The following TMEM214 variants were observed in gnomAD, a reference collection of about 807,000 sequenced individuals.
The protein encoded by TMEM214 is transmembrane protein 214.
Under a neutral mutation model 89.8 loss-of-function variants are expected in TMEM214, and 71 were observed. The ratio of observed to expected loss-of-function variants is 0.79; its 90% CI spans 0.65 to 0.96. TMEM214 has a LOEUF of 0.96. Ranked by LOEUF, TMEM214 falls within the 40% of genes least tolerant of loss-of-function variation. The pLI is 0.00. For synonymous variants in TMEM214, 332 were observed against 349.5 expected (o/e 0.95, Z 0.56); for missense variants, 754 against 843.4 (o/e 0.89, Z 1.31).
Position 27,035,252 on chromosome 2 carries a change from C to A in TMEM214, c.469C>A (p.Leu157Ile), listed in dbSNP as rs751594319. Residue 157 changes from leucine to isoleucine, a missense_variant, in exon 3 of 17, where the codon CTA (leucine) becomes ATA (isoleucine). Coordinates refer to ENST00000238788, the MANE Select transcript of TMEM214 (RefSeq NM_017727.5). ...TCTCAACTACAAGCTACAAGCTCCT[C>A]TAAGTGAACCCACGCTGAGCCAGCA... ...SYLNYKLQAPLSEPTLSQHTH... is the reference protein window; with the variant it reads ...SYLNYKLQAPISEPTLSQHTH... The A allele has an allele frequency of 7.4e-6, 12 of 1,614,110 alleles. No individual in the cohort carries two copies. The highest frequency in any genetic ancestry group is 3.3e-5 in the Admixed American group (2 of 60,004).
intron 8 of TMEM214, 28 bp downstream of exon 8, chr2:27,037,206 G>C: frequency 6.5e-7 from 1 of 1,527,626 alleles, no homozygotes; most frequent in Non-Finnish European, 9.1e-7. Context: ...CACACCTGCT[G>C]AGAAGGGACC....
chr2:27,040,385 G>T lies in TMEM214; in HGVS notation c.1832G>T (p.Arg611Leu). 1 of 1,614,168 alleles carries T rather than the reference G, an allele frequency of 6.2e-7. No individual in the cohort carries two copies. Among genetic ancestry groups the T allele is most frequent in the Non-Finnish European group, 8.5e-7 (1 of 1,180,032 alleles). ...QLPDSVNQLL[R>L]YLRELPLLFH... is the part of the protein sequence containing the mutation. Reference sequence around the variant, plus strand: ...CCCGATTCCGTGAATCAGCTACTCCGCTATCTGAGAGAGCTGCCCCTGCTT... The same window carrying T: ...CCCGATTCCGTGAATCAGCTACTCCTCTATCTGAGAGAGCTGCCCCTGCTT... The change falls in exon 16 of 17, where the codon CGC (arginine) becomes CTC (leucine). Residue 611 changes from arginine (R) to leucine (L), a missense_variant. Transcript: ENST00000238788.
In TMEM214 at chr2:27,036,576, C is replaced by T; in HGVS notation, c.810C>T (p.Leu270=). The change falls in exon 6 of 17, where the codon CTC becomes CTT. Residue 270 remains leucine, a synonymous_variant. Coordinates refer to ENST00000238788, the MANE Select transcript of TMEM214 (RefSeq NM_017727.5). The part of the protein sequence containing the change: ...WALGQAGFAN[L]TEGLKVWLGI... ...TGGGTCAAGCAGGTTTTGCCAACCT[C>T]ACCGAGGGACTGAAAGGTAACAGGG... 1 of 1,614,158 alleles carries T rather than the reference C, an allele frequency of 6.2e-7. No individual in the cohort carries two copies. The highest frequency in any genetic ancestry group is 8.5e-7 in the Non-Finnish European group (1 of 1,180,004).
Position 27,035,991 on chromosome 2 carries a change from G to A in TMEM214, c.659G>A (p.Arg220His), listed in dbSNP as rs750077464. 6.2e-6 allele frequency: 10 copies of A among 1,614,024 alleles called. No homozygotes were observed. Among genetic ancestry groups the A allele is most frequent in the African/African-American group, 2.7e-5 (2 of 74,914 alleles). ...CCAGGGGAGTCACTACATGGTTACC[G>A]CATCTGTATCCAGGCCATCCTGCAA... ...KTPGESLHGY[R>H]ICIQAILQDK... The change falls in exon 5 of 17, where the codon CGC becomes CAC. Residue 220 changes from arginine (R) to histidine (H), a missense_variant. Coordinates refer to ENST00000238788, the MANE Select transcript of TMEM214 (RefSeq NM_017727.5).
intron 1 of TMEM214, among the ~76,000 whole-genome samples, chr2:27,033,555 A>G (rs1176626816): frequency 1.3e-5 from 2 of 152,298 alleles, no homozygotes; most frequent in Non-Finnish European, 2.9e-5. Context: ...AGTAACCAGC[A>G]GGTCATGGAG....
Position 27,035,283 on chromosome 2 carries a change from A to T in TMEM214, c.500A>T (p.His167Leu). 6.2e-7 allele frequency: 1 copy of T among 1,614,224 alleles called. No homozygotes were observed. The highest frequency in any genetic ancestry group is 8.5e-7 in the Non-Finnish European group (1 of 1,180,032). The change falls in exon 3 of 17, where the codon CAT (histidine) becomes CTT (leucine). Residue 167 changes from histidine (H) to leucine (L), a missense_variant and splice_region_variant. Coordinates refer to ENST00000238788, the MANE Select transcript of TMEM214 (RefSeq NM_017727.5). Reference protein sequence around the residue: ...LSEPTLSQHTHDYPYSLVSRE... With the variant: ...LSEPTLSQHTLDYPYSLVSRE... ...GAACCCACGCTGAGCCAGCATACTCATGGTAAGTCCTTCCAGCTTCCTCAA... is the reference window on the plus strand; with the variant it reads ...GAACCCACGCTGAGCCAGCATACTCTTGGTAAGTCCTTCCAGCTTCCTCAA...
At position 27,040,369 on chromosome 2, in the gene TMEM214, G is replaced by A. The variant is rs201036749; in HGVS notation, c.1816G>A (p.Val606Met). The change falls in exon 16 of 17, where the codon GTG (valine) becomes ATG (methionine). Residue 606 changes from valine to methionine, a missense_variant. Val to Met is a conservative substitution (Grantham distance 21). Transcript: ENST00000238788. ...QRLQIQLPDS[V>M]NQLLRYLREL... ...GCTACAGATCCAGCTCCCCGATTCC[G>A]TGAATCAGCTACTCCGCTATCTGAG... 1.4e-4 allele frequency: 225 copies of A among 1,614,166 alleles called. 2 individuals carry two copies. In the Admixed American group the frequency reaches 3.3e-3, roughly 24 times the overall value.
chr2:27,033,925 A>G (rs1406882569), intron 1 of TMEM214, 142 bp from the exon 2 acceptor site: 3 of 871,818 alleles, frequency 3.4e-6, no homozygotes, highest in Non-Finnish European at 5.5e-6. Flanking sequence ...CCTGCTCCTT[A>G]AGCAGTCCAA....
chr2:27,034,801 C>G (rs1317155009), intron 2 of TMEM214, among the ~76,000 whole-genome samples: 7 of 151,990 alleles, frequency 4.6e-5, no homozygotes, highest in African/African-American at 1.7e-4. Flanking sequence ...CCAGGCTGGT[C>G]TTGAACTCCT....
rs997182372 is a variant in TMEM214 at position 27,033,027 on chromosome 2, G to A, written c.12G>A (p.Lys4=). The change falls in exon 1 of 17, where the codon AAG becomes AAA. Residue 4 remains lysine, a synonymous_variant. Transcript: ENST00000238788. ...GAGGGCTGCGAGCCATGGCGACCAA[G>A]ACGGCGGGCGTGGGGCGGTGGGAGG... MAT[K]TAGVGRWEVV... is the part of the protein sequence containing the mutation. 1 of 1,247,000 alleles carries A rather than the reference G, an allele frequency of 8.0e-7. No homozygotes were observed. The highest frequency in any genetic ancestry group is 1.6e-5 in the African/African-American group (1 of 64,418). The allele number at this position is 1,247,000 out of a possible 1,614,324, so 77.2% of individuals were successfully genotyped here. A position where few individuals can be genotyped will look rare whatever the true frequency, so the allele number is the denominator to read the frequency against.
At chr2:27,040,233 G>T (rs1667773173) in intron 15 of TMEM214, 35 bp downstream of exon 15, 1 of 1,605,046 alleles carries the variant, frequency 6.2e-7, no homozygotes, top group Admixed American at 1.7e-5. Flanking sequence ...TAAGGGGCTG[G>T]TTTTCCCAGG....
chr2:27,039,132 G>T lies in TMEM214; in HGVS notation c.1493G>T (p.Cys498Phe). 1 of 1,613,838 alleles carries T rather than the reference G, an allele frequency of 6.2e-7. No individual in the cohort carries two copies. The highest frequency in any genetic ancestry group is 8.5e-7 in the Non-Finnish European group (1 of 1,180,038). The change falls in exon 13 of 17, where the codon TGC (cysteine) becomes TTC (phenylalanine). Residue 498 changes from cysteine (C) to phenylalanine (F), a missense_variant. Physicochemically the swap from Cys to Phe is radical, Grantham distance 205. Coordinates refer to ENST00000238788, the MANE Select transcript of TMEM214 (RefSeq NM_017727.5). ...LLLVFAVGFL[C>F]HDLRSHSSFQ... ...CTGGTCTTCGCTGTAGGCTTCCTGT[G>T]CCATGACCTCCGGTCACACAGCTCC...
At chr2:27,035,096 A>G (rs958768166) in intron 2 of TMEM214, 39 bp from the exon 3 acceptor site, 3 of 1,610,366 alleles carry the variant, frequency 1.9e-6, no homozygotes, top group Non-Finnish European at 2.5e-6. Flanking sequence ...CTCACTCACA[A>G]CTCGCCATGG....
chr2:27,033,021 G>T lies in TMEM214; in HGVS notation c.6G>T (p.Ala2=), dbSNP rs1667398735. The T allele has an allele frequency of 4.0e-6, 5 of 1,246,858 alleles. No homozygotes were observed. In the African/African-American group the frequency reaches 4.7e-5, roughly 12 times the overall value. The allele number at this position is 1,246,858 out of a possible 1,614,324, so 77.2% of individuals were successfully genotyped here. The part of the protein sequence containing the change: M[A]TKTAGVGRWE... ...AGGAGGGAGGGCTGCGAGCCATGGC[G>T]ACCAAGACGGCGGGCGTGGGGCGGT... The change falls in exon 1 of 17, where the codon GCG becomes GCT. Residue 2 remains alanine (A), a synonymous_variant. Coordinates refer to ENST00000238788, the MANE Select transcript of TMEM214 (RefSeq NM_017727.5).
chr2:27,034,929 C>T (rs1404717731), intron 2 of TMEM214, among the ~76,000 whole-genome samples: 1 of 152,150 alleles, frequency 6.6e-6, no homozygotes, highest in African/African-American at 2.4e-5. Flanking sequence ...AGGATAGGGC[C>T]TGAGATCAGC....
At chr2:27,037,482 G>T in intron 8 of TMEM214, 79 bp from the exon 9 acceptor site, 6 of 1,573,198 alleles carry the variant, frequency 3.8e-6, no homozygotes, top group Non-Finnish European at 5.2e-6. Flanking sequence ...GCAGGCATGG[G>T]CTCTGAAGCA....
Position 27,041,605 on chromosome 2 carries a change from GGAA to G in TMEM214, c.*769_*771del, listed in dbSNP as rs1558403127. The G allele has an allele frequency of 2.6e-5, 4 of 153,774 alleles. No homozygotes were observed. The Admixed American group carries it at 2.6e-4, about 10-fold the overall frequency. The allele number at this position is 153,774 out of a possible 1,614,324, so 9.5% of individuals were successfully genotyped here. A position where few individuals can be genotyped will look rare whatever the true frequency, so the allele number is the denominator to read the frequency against. On this transcript the variant is annotated 3_prime_UTR_variant, in exon 17 of 17. Coordinates refer to ENST00000238788, the MANE Select transcript of TMEM214 (RefSeq NM_017727.5). Reference sequence around the variant, plus strand: ...AGGCAGTTGTGTGCCTTGGGCCCAGGGAACCCTCCATCAACCTGAGACAGGACT... The same window carrying G: ...AGGCAGTTGTGTGCCTTGGGCCCAGGCCCTCCATCAACCTGAGACAGGACT...
At position 27,039,008 on chromosome 2, in the gene TMEM214, C is replaced by G. The variant is rs960486360; in HGVS notation, c.1408-39C>G. 12 of 1,603,120 alleles carry G rather than the reference C, an allele frequency of 7.5e-6. No homozygotes were observed. In the African/African-American group the frequency reaches 1.3e-4, roughly 18 times the overall value. ...TGCCCTCAGAGGCAAAGACCAGCCCCTCGCTTCTGACAACTGTCTCCTGCT... is the reference window on the plus strand; with the variant it reads ...TGCCCTCAGAGGCAAAGACCAGCCCGTCGCTTCTGACAACTGTCTCCTGCT... On this transcript the variant is annotated intron_variant, in intron 12 of 16. Transcript: ENST00000238788.
rs1667665978 is a variant in TMEM214 at position 27,038,413 on chromosome 2, G to T, written c.1245-71G>T. The stretch of plus-strand genomic sequence containing the variant: ...GGTCTTTCAGCCTGAAGGAGCCAGG[G>T]CTAATGGAGGACAGGAGGATGGGTG... On this transcript the variant is annotated intron_variant, in intron 10 of 16. Transcript: ENST00000238788. This position sits in a 1 kb window ranked among gnomAD's most constrained non-coding sequence, Gnocchi z 4.4. 2 of 1,598,966 alleles carry T rather than the reference G, an allele frequency of 1.3e-6. No individual in the cohort carries two copies. The highest frequency in any genetic ancestry group is 3.3e-5 in the Admixed American group (2 of 59,996).
Sources: allele counts gnomAD v4.1 joint callset (sites outside exome capture counted in the v4.1 genomes callset), GRCh38; gene constraint gnomAD v4.1.1; non-coding constraint Gnocchi (gnomAD v3.1); transcripts MANE v1.5; gene names NCBI Gene and HGNC (gene_info 2026-07-23, HGNC 2026-07-21).